The following UVRAG variants were observed in gnomAD, a reference collection of about 807,000 sequenced individuals.
UVRAG encodes UV radiation resistance associated, also known as UV radiation resistance-associated gene protein.
Under a neutral mutation model 78.0 loss-of-function variants are expected in UVRAG, and 19 were observed. The observed-to-expected ratio is 0.24, with a 90% CI of 0.17 to 0.36. The LOEUF (loss-of-function observed/expected upper bound fraction) is 0.36. UVRAG is among the 10% of genes least tolerant of loss of function. The pLI, the probability that UVRAG is intolerant of heterozygous loss-of-function variation, is 1.00. For missense variants in UVRAG, 740 were observed against 853.8 expected (o/e 0.87, Z 1.66); for synonymous variants, 323 against 324.6 (o/e 1.00, Z 0.05).
rs1952767843 is a variant in UVRAG, at chr11:76,144,108, C to A, written c.*2695C>A. 1.3e-5 allele frequency among the ~76,000 whole-genome samples: 2 copies of A among 152,206 alleles called. No homozygotes were observed. Among genetic ancestry groups the A allele is most frequent in the South Asian group, 4.2e-4 (2 of 4,814 alleles). ...TCTAATGGTGCCCATTTATCCTGACCTAACCAGTTATTTAAATAATTTTTT... is the reference window on the plus strand; with the variant it reads ...TCTAATGGTGCCCATTTATCCTGACATAACCAGTTATTTAAATAATTTTTT... On this transcript the variant is annotated 3_prime_UTR_variant, in exon 15 of 15. Transcript: ENST00000356136.
At chr11:76,046,553 C>T (rs1207531940) in intron 12 of UVRAG, among the ~76,000 whole-genome samples, 1 of 152,110 alleles carries the variant, frequency 6.6e-6, no homozygotes, top group Middle Eastern at 3.2e-3. Flanking sequence ...TTATATGGCT[C>T]TGCTCAAAAA....
At chr11:76,082,314 G>A (rs191321855) in intron 13 of UVRAG, among the ~76,000 whole-genome samples, 402 of 151,744 alleles carry the variant, frequency 2.6e-3, no homozygotes, top group African/African-American at 9.1e-3. Context: ...GCCGAGGCGG[G>A]CAGATCACGA....
intron 2 of UVRAG, among the ~76,000 whole-genome samples, chr11:75,854,066 G>GT (rs1487995315): frequency 1.3e-5 from 2 of 152,128 alleles, no homozygotes; most frequent in Admixed American, 6.6e-5. Context: ...GTGAGCTACT[G>GT]TGCCCAGTCC....
rs369258567 is a variant in UVRAG at position 75,823,733 on chromosome 11, G to GT, written c.117+8213dup. On this transcript the variant is annotated intron_variant, in intron 1 of 14. Transcript: ENST00000356136. ...ATTCTTTGCAGGGTTCTGGTGAAAA[G>GT]TTTTAAGTACCTCAGAGTTTGGGAC... Among the ~76,000 whole-genome samples, 703 of 152,276 alleles carry GT rather than the reference G, an allele frequency of 4.6e-3. 4 individuals carry two copies. Among genetic ancestry groups the GT allele is most frequent in the African/African-American group, 0.015 (643 of 41,546 alleles).
intron 4 of UVRAG, 129 bp downstream of exon 4, chr11:75,880,169 C>CAAGGTCTCTCTTAGTGATA: frequency 1.0e-6 from 1 of 999,864 alleles, no homozygotes; most frequent in Non-Finnish European, 1.5e-6. Context: ...ACTTATATCA[C>CAAGGTCTCTCTTAGTGATA]TAAGAGAGAC....
At chr11:75,924,191 A>C (rs1948037810) in intron 6 of UVRAG, among the ~76,000 whole-genome samples, 1 of 152,218 alleles carries the variant, frequency 6.6e-6, no homozygotes, top group African/African-American at 2.4e-5. Context: ...TTGGATAATA[A>C]CTGAACCAGG....
intron 14 of UVRAG, among the ~76,000 whole-genome samples, chr11:76,127,353 G>A (rs1713106677): frequency 6.6e-6 from 1 of 152,140 alleles, no homozygotes; most frequent in Non-Finnish European, 1.5e-5. Context: ...TTAAAGAAAT[G>A]AGTTAAAGAA....
chr11:75,844,678 CTT>C (rs111624830), intron 1 of UVRAG, among the ~76,000 whole-genome samples: 4 of 143,030 alleles, frequency 2.8e-5, no homozygotes, highest in South Asian at 2.2e-4. Context: ...CTTTTCTTTT[CTT>C]TTTTTTTTTT....
At chr11:75,978,277 C>G (rs571780861) in intron 7 of UVRAG, among the ~76,000 whole-genome samples, 2 of 152,236 alleles carry the variant, frequency 1.3e-5, no homozygotes, top group East Asian at 3.9e-4. Flanking sequence ...GTAACCTGAC[C>G]TTTCTCTCTG....
rs574950779 is a variant in UVRAG at position 75,815,865 on chromosome 11, G to T, written c.117+341G>T. 3.3e-5 allele frequency among the ~76,000 whole-genome samples: 5 copies of T among 152,096 alleles called. No individual in the cohort carries two copies. The East Asian group carries it at 9.7e-4, about 30-fold the overall frequency. On this transcript the variant is annotated intron_variant, in intron 1 of 14. Coordinates refer to ENST00000356136, the MANE Select transcript of UVRAG (RefSeq NM_003369.4). Reference sequence around the variant, plus strand: ...CCGCGCAGACCCTCTCCCTCGTTCCGCCCAGGAAGGGACCCGGGGAACCCC... The same window carrying T: ...CCGCGCAGACCCTCTCCCTCGTTCCTCCCAGGAAGGGACCCGGGGAACCCC...
At chr11:76,015,690 C>A (rs1182747772) in intron 11 of UVRAG, among the ~76,000 whole-genome samples, 1 of 152,074 alleles carries the variant, frequency 6.6e-6, no homozygotes, top group Non-Finnish European at 1.5e-5. Flanking sequence ...GTAGAGAATT[C>A]ACTGAGGAAT....
intron 14 of UVRAG, among the ~76,000 whole-genome samples, chr11:76,140,146 T>TCTCCCTCTCC (rs1952689445): frequency 1.2e-5 from 1 of 85,926 alleles, no homozygotes; most frequent in East Asian, 4.5e-4. Context: ...TCTCTCTCTC[T>TCTCCCTCTCC]CTCCCTCCCT....
At chr11:76,138,738 T>G (rs1203606132) in intron 14 of UVRAG, among the ~76,000 whole-genome samples, 2 of 152,230 alleles carry the variant, frequency 1.3e-5, no homozygotes, top group African/African-American at 4.8e-5. Flanking sequence ...TGTTCCGGGC[T>G]GTTTCACCTG....
At chr11:76,072,438 T>C (rs1049685865) in intron 13 of UVRAG, among the ~76,000 whole-genome samples, 44 of 152,184 alleles carry the variant, frequency 2.9e-4, no homozygotes, top group African/African-American at 9.7e-4. Flanking sequence ...ATGGCAGATA[T>C]CAAGGCATGT....
At chr11:75,857,906 C>T (rs1336956144) in intron 2 of UVRAG, among the ~76,000 whole-genome samples, 3 of 151,726 alleles carry the variant, frequency 2.0e-5, no homozygotes, top group African/African-American at 7.3e-5. Context: ...TGATTATTCT[C>T]CTCTGTCTTC....
intron 6 of UVRAG, among the ~76,000 whole-genome samples, chr11:75,954,134 G>A (rs576744049): frequency 2.0e-5 from 3 of 152,092 alleles, no homozygotes; most frequent in Admixed American, 1.3e-4. Flanking sequence ...GTTTGAAAGG[G>A]GGGTGTTATT....
At chr11:75,958,977 C>CT (rs1419380461) in intron 6 of UVRAG, among the ~76,000 whole-genome samples, 1 of 152,122 alleles carries the variant, frequency 6.6e-6, no homozygotes, top group Non-Finnish European at 1.5e-5. Context: ...TGAAAGAAAT[C>CT]TTTTTTCTAA....
In UVRAG at chr11:75,934,310, A is replaced by C. The variant is rs551819415; in HGVS notation, c.593+22271A>C. Among the ~76,000 whole-genome samples, 5 of 152,262 alleles carry C rather than the reference A, an allele frequency of 3.3e-5. No individual in the cohort carries two copies. The South Asian group carries it at 1.0e-3, about 32-fold the overall frequency. On this transcript the variant is annotated intron_variant, in intron 6 of 14. Coordinates refer to ENST00000356136, the MANE Select transcript of UVRAG (RefSeq NM_003369.4). ...AATTAAAACAATTGAAGTCATGGAG[A>C]TAGAGAGCAAGAAGTATGGTTACCA...
chr11:76,015,988 C>T (rs1237993066), intron 11 of UVRAG, among the ~76,000 whole-genome samples: 1 of 152,204 alleles, frequency 6.6e-6, no homozygotes, highest in East Asian at 1.9e-4. Flanking sequence ...ATCCTGTTTC[C>T]TTCCTCTTGG....
Sources: gnomAD v4.1 joint callset for allele counts (sites outside exome capture counted in the v4.1 genomes callset) on GRCh38, gnomAD v4.1.1 for gene constraint, MANE v1.5 for transcripts, NCBI Gene and HGNC (gene_info 2026-07-23, HGNC 2026-07-21) for gene names.